The following BRD4 variants were observed in gnomAD, a reference collection of about 807,000 sequenced individuals.
BRD4 encodes the protein bromodomain-containing protein 4.
Under a neutral mutation model 142.1 loss-of-function variants are expected in BRD4, and 16 were observed. That is an observed-to-expected ratio of 0.11 (90% CI 0.08 to 0.17). The LOEUF (loss-of-function observed/expected upper bound fraction) is 0.17. BRD4 is among the 10% of genes least tolerant of loss of function. The probability of loss-of-function intolerance (pLI) is 1.00; values close to 1 mark genes in which losing one functional copy is unlikely to be tolerated. For missense variants in BRD4, 1,424 were observed against 1,810.9 expected, an observed-to-expected ratio of 0.79 and a Z score of 3.88; for synonymous variants, 833 against 707.5, an observed-to-expected ratio of 1.18 and a Z score of -2.82.
At chr19:15,326,495 A>AAATG (rs1176240279) in intron 1 of BRD4, among the ~76,000 whole-genome samples, 3 of 152,166 alleles carry the variant, frequency 2.0e-5, no homozygotes, top group Non-Finnish European at 4.4e-5. Flanking sequence ...ATAAATAAAT[A>AAATG]AAAATTAAAA....
intron 6 of BRD4, 96 bp downstream of exon 6, chr19:15,264,308 C>T: frequency 3.4e-6 from 5 of 1,475,454 alleles, no homozygotes; most frequent in Non-Finnish European, 3.6e-6. Flanking sequence ...CGTTCCAGGG[C>T]CTGGGCTTCC....
chr19:15,299,075 T>C (rs539588156), intron 1 of BRD4, among the ~76,000 whole-genome samples: 1 of 152,270 alleles, frequency 6.6e-6, no homozygotes, highest in African/African-American at 2.4e-5. Context: ...TCAGCTATCA[T>C]GGCTGCCCAC....
rs371365792 is a variant in BRD4 at position 15,273,143 on chromosome 19, AAG to A, written c.-34-12_-34-11del. On this transcript the variant is annotated splice_polypyrimidine_tract_variant and intron_variant, in intron 1 of 19. Transcript: ENST00000679869. ...TTCTTCACCAGGCACTCTACAAAGGAAGAGAAGAGCCCCCGTGAGATATCAGT... is the reference window on the plus strand; with the variant it reads ...TTCTTCACCAGGCACTCTACAAAGGAAGAAGAGCCCCCGTGAGATATCAGT... 16 of 1,539,386 alleles carry A rather than the reference AAG, an allele frequency of 1.0e-5. No homozygotes were observed. The African/African-American group carries it at 2.2e-4, about 21-fold the overall frequency.
chr19:15,280,263 C>T lies in BRD4; in HGVS notation c.-34-7130G>A, dbSNP rs200313118. 78 of 1,007,086 alleles carry T rather than the reference C, an allele frequency of 7.7e-5. No homozygotes were observed. In the East Asian group the frequency reaches 5.5e-3, roughly 70 times the overall value. 62.4% of individuals were successfully genotyped at this position (1,007,086 alleles called of 1,614,324 possible). On this transcript the variant is annotated intron_variant, in intron 1 of 19. Coordinates refer to ENST00000679869, the MANE Select transcript of BRD4 (RefSeq NM_001379291.1). ...TCTGCTCCACAGCTGTCTCCACTCA[C>T]CAAGCACAGTGGCAACACCCACAAG...
At chr19:15,249,428 A>T in intron 11 of BRD4, 2 of 1,476,386 alleles carry the variant, frequency 1.4e-6, no homozygotes, top group South Asian at 2.4e-5. Flanking sequence ...GGCACTGGAG[A>T]CTGGAGCCCT....
chr19:15,273,967 A>C (rs1254061299), intron 1 of BRD4, among the ~76,000 whole-genome samples: 5 of 152,230 alleles, frequency 3.3e-5, no homozygotes, highest in Admixed American at 3.3e-4. Context: ...TGTGTAATTT[A>C]TTTAAACCAG....
Position 15,251,181 on chromosome 19 carries a change from G to A in BRD4, c.2158+2971C>T, listed in dbSNP as rs145443206. On this transcript the variant is annotated intron_variant, in intron 11 of 19. Transcript: ENST00000679869. ...GCCATCCTCCTCCTGCCTGTGTTCC[G>A]TTGCTCCCTGAACTAGAGCCTGGCC... Among the ~76,000 whole-genome samples the A allele has an allele frequency of 3.8e-4, 58 of 152,122 alleles. No individual in the cohort carries two copies. In the East Asian group the frequency reaches 9.7e-3, roughly 25 times the overall value.
chr19:15,242,293 C>T (rs1453863287), intron 14 of BRD4, among the ~76,000 whole-genome samples: 3 of 152,172 alleles, frequency 2.0e-5, no homozygotes, highest in Admixed American at 6.5e-5. Flanking sequence ...CATCCCCTGC[C>T]GGAGCCAGCC....
Position 15,243,285 on chromosome 19 carries a change from C to T in BRD4, c.2784G>A (p.Met928Ile). ...TCTGCAGCTGCTGCAGGTACAGCTG[C>T]ATCTGCATGGAGGTGAGGGGTGGGG... ...PPAPPLTSMQ[M>I]QLYLQQLQKV... Residue 928 changes from methionine (M) to isoleucine (I), a missense_variant, in exon 14 of 20, where the codon ATG becomes ATA. Transcript: ENST00000679869. 6.8e-7 allele frequency: 1 copy of T among 1,468,544 alleles called. No individual in the cohort carries two copies. 91.0% of individuals were successfully genotyped at this position (1,468,544 alleles called of 1,614,324 possible).
At chr19:15,276,222 G>A (rs1446044168) in intron 1 of BRD4, among the ~76,000 whole-genome samples, 1 of 152,142 alleles carries the variant, frequency 6.6e-6, no homozygotes, top group African/African-American at 2.4e-5. Flanking sequence ...GAAACATGAG[G>A]AAAACCAACC....
chr19:15,301,443 C>A (rs1265779812), intron 1 of BRD4, among the ~76,000 whole-genome samples: 1 of 152,042 alleles, frequency 6.6e-6, no homozygotes, highest in Admixed American at 6.6e-5. Flanking sequence ...CACCTGTAAT[C>A]CCAGGTACTC....
chr19:15,249,233 G>A (rs2145538980), intron 11 of BRD4: 1 of 1,613,892 alleles, frequency 6.2e-7, no homozygotes, highest in Non-Finnish European at 8.5e-7. Context: ...TTGCTGGGAA[G>A]GAATCTGGAA....
chr19:15,275,608 T>A (rs922517733), intron 1 of BRD4: 4 of 151,826 alleles, frequency 2.6e-5, no homozygotes, highest in African/African-American at 9.7e-5. Flanking sequence ...CTGCTGGAGG[T>A]TGTCTGTTCA....
At chr19:15,318,828 T>C (rs2048037758) in intron 1 of BRD4, among the ~76,000 whole-genome samples, 1 of 152,134 alleles carries the variant, frequency 6.6e-6, no homozygotes, top group African/African-American at 2.4e-5. Context: ...ACAGACCCAT[T>C]CTGGTACATT....
chr19:15,274,726 C>G (rs938072829), intron 1 of BRD4, among the ~76,000 whole-genome samples: 4 of 152,244 alleles, frequency 2.6e-5, no homozygotes, highest in Non-Finnish European at 2.9e-5. Flanking sequence ...AACTTCTGGG[C>G]TGGGCCATGC....
At chr19:15,241,294 G>C (rs2047235965) in intron 14 of BRD4, among the ~76,000 whole-genome samples, 1 of 152,246 alleles carries the variant, frequency 6.6e-6, no homozygotes, top group South Asian at 2.1e-4. Flanking sequence ...ACCCAACTAG[G>C]GCAGTGCCTT....
At chr19:15,280,463 A>G (rs200338268) in intron 1 of BRD4, 10 of 1,011,098 alleles carry the variant, frequency 9.9e-6, no homozygotes, top group Non-Finnish European at 1.2e-5. Context: ...TCATCCTCGT[A>G]AACAAATCAG....
rs200180943 is a variant in BRD4, at chr19:15,263,547, G to A, written c.1214C>T (p.Ser405Phe). 1 of 1,614,188 alleles carries A rather than the reference G, an allele frequency of 6.2e-7. No homozygotes were observed. Among genetic ancestry groups the A allele is most frequent in the South Asian group, 1.1e-5 (1 of 91,078 alleles). Residue 405 changes from serine to phenylalanine, a missense_variant and splice_region_variant, in exon 7 of 20, where the codon TCT becomes TTT. Around this residue, in one of 16 missense-constraint regions of BRD4, gnomAD observed 26 missense variants for 20.2 expected, o/e 1.29. Coordinates refer to ENST00000679869, the MANE Select transcript of BRD4 (RefSeq NM_001379291.1). ...ACGGTACTCACGGGCCTCCAGTTTAGACTGGAAAACAAGACAAGTCCCTGT... is the reference window on the plus strand; with the variant it reads ...ACGGTACTCACGGGCCTCCAGTTTAAACTGGAAAACAAGACAAGTCCCTGT... ...KHPMDMSTIK[S>F]KLEAREYRDA...
In BRD4 at chr19:15,236,268, C is replaced by T. The variant is rs1019988768; in HGVS notation, c.*2109G>A. The T allele has an allele frequency of 6.6e-6, 1 of 152,196 alleles. No individual in the cohort carries two copies. Among genetic ancestry groups the T allele is most frequent in the Non-Finnish European group, 1.5e-5 (1 of 68,054 alleles). 9.4% of individuals were successfully genotyped at this position (152,196 alleles called of 1,614,324 possible). On this transcript the variant is annotated 3_prime_UTR_variant, in exon 20 of 20. Coordinates refer to ENST00000679869, the MANE Select transcript of BRD4 (RefSeq NM_001379291.1). ...TCTTAGGGGCTCTTCTTGGGCGTCA[C>T]CCGTGCCTTGTGGCTGGGGCATGTA...
Sources: gnomAD v4.1 joint callset for allele counts (sites outside exome capture counted in the v4.1 genomes callset) on GRCh38, gnomAD v4.1.1 for gene constraint, gnomAD v4.1.1 regional missense constraint, MANE v1.5 for transcripts, NCBI Gene and HGNC (gene_info 2026-07-23, HGNC 2026-07-21) for gene names.